Variants in GNAQ observed in about 807,000 individuals in gnomAD.
GNAQ encodes G protein subunit alpha q.
A neutral mutation model predicts 43.9 loss-of-function variants in GNAQ; 8 were observed. The ratio of observed to expected loss-of-function variants is 0.18; its 90% CI spans 0.11 to 0.33. The LOEUF (loss-of-function observed/expected upper bound fraction) is 0.33, where lower values mean the gene tolerates loss of function less well. Ranked by LOEUF, GNAQ falls within the 10% of genes least tolerant of loss-of-function variation. GNAQ has a pLI of 1.00. For synonymous variants in GNAQ, 155 were observed against 170.7 expected (o/e 0.91, Z 0.71); for missense variants, 158 against 450.8 (o/e 0.35, Z 5.88).
At chr9:77,815,280 T>C (rs1826994426) in intron 3 of GNAQ, among the ~76,000 whole-genome samples, 1 of 152,198 alleles carries the variant, frequency 6.6e-6, no homozygotes, top group South Asian at 2.1e-4. Context: ...AAATTATTAT[T>C]ACAAGATTTC....
At chr9:77,900,335 T>A (rs1057352112) in intron 2 of GNAQ, among the ~76,000 whole-genome samples, 1 of 152,222 alleles carries the variant, frequency 6.6e-6, no homozygotes, top group Non-Finnish European at 1.5e-5. Flanking sequence ...GATATTTTAC[T>A]GCAATAGAAG....
In GNAQ at chr9:77,797,753, A is replaced by C. The variant is rs1187276141; in HGVS notation, c.477-105T>G. On this transcript the variant is annotated intron_variant, in intron 3 of 6. Coordinates refer to ENST00000286548, the MANE Select transcript of GNAQ (RefSeq NM_002072.5). The stretch of plus-strand genomic sequence containing the variant: ...GAGTCCTAACAGAGAAGTAAAGAAG[A>C]GAAAGAAAAATATCAGAAAGTGGTA... 4 of 975,072 alleles carry C rather than the reference A, an allele frequency of 4.1e-6. No homozygotes were observed. In the African/African-American group the frequency reaches 4.9e-5, roughly 12 times the overall value. The allele number at this position is 975,072 out of a possible 1,614,324, so 60.4% of individuals were successfully genotyped here. A position where few individuals can be genotyped will look rare whatever the true frequency, so the allele number is the denominator to read the frequency against.
At chr9:77,762,096 G>GC (rs1381461768) in intron 5 of GNAQ, among the ~76,000 whole-genome samples, 1 of 132,150 alleles carries the variant, frequency 7.6e-6, no homozygotes, top group Non-Finnish European at 1.6e-5. Flanking sequence ...CCCCCGCCTG[G>GC]CCAGCCGCCC....
chr9:77,898,165 C>G lies in GNAQ; in HGVS notation c.321+23996G>C, dbSNP rs76431840. 8.9e-3 allele frequency among the ~76,000 whole-genome samples: 1,357 copies of G among 152,252 alleles called. 20 individuals carry two copies. The highest frequency in any genetic ancestry group is 0.038 in the Admixed American group (585 of 15,290). ...AATCCAGGCTCTTCTCCCTCTTTCT[C>G]TACAATCTGAAGTCATTATCCCACA... is the stretch of plus-strand genomic sequence containing the variant. On this transcript the variant is annotated intron_variant, in intron 2 of 6. Coordinates refer to ENST00000286548, the MANE Select transcript of GNAQ (RefSeq NM_002072.5).
intron 2 of GNAQ, among the ~76,000 whole-genome samples, chr9:77,852,484 T>G (rs1827686429): frequency 6.6e-6 from 1 of 152,180 alleles, no homozygotes. Flanking sequence ...AAGCCACACA[T>G]CTGCTAAACA....
intron 1 of GNAQ, among the ~76,000 whole-genome samples, chr9:78,005,167 C>A (rs773852396): frequency 6.6e-6 from 1 of 152,076 alleles, no homozygotes; most frequent in Non-Finnish European, 1.5e-5. Flanking sequence ...TCCTCCCACA[C>A]CCCATGTAGC....
chr9:77,763,696 T>C (rs979908646), intron 5 of GNAQ, among the ~76,000 whole-genome samples: 1 of 152,226 alleles, frequency 6.6e-6, no homozygotes, highest in Non-Finnish European at 1.5e-5. Flanking sequence ...ACGACTGAGC[T>C]GTACAAACAC....
chr9:77,746,551 A>C lies in GNAQ; in HGVS notation c.736-17884T>G. 2.6e-5 allele frequency among the ~76,000 whole-genome samples: 4 copies of C among 152,348 alleles called. No individual in the cohort carries two copies. In the Middle Eastern group the frequency reaches 0.014, roughly 522 times the overall value. On this transcript the variant is annotated intron_variant, in intron 5 of 6. Transcript: ENST00000286548. ...AAAAGAATCAGCTAGAGATATACAC[A>C]CACAAAGAAACAAAGAAAATTAAAA...
At chr9:77,870,672 A>G (rs750541897) in intron 2 of GNAQ, among the ~76,000 whole-genome samples, 41 of 152,076 alleles carry the variant, frequency 2.7e-4, no homozygotes, top group Non-Finnish European at 5.0e-4. Flanking sequence ...CACTCCAGTC[A>G]CATTCTTCTT....
chr9:77,844,340 C>A (rs769079941), intron 2 of GNAQ, among the ~76,000 whole-genome samples: 7 of 152,196 alleles, frequency 4.6e-5, no homozygotes, highest in Non-Finnish European at 1.0e-4. Flanking sequence ...ACAACCCCAT[C>A]CACTCTGGGC....
chr9:77,922,462 G>A lies in GNAQ; in HGVS notation c.137-117C>T, dbSNP rs879224246. 9 of 693,636 alleles carry A rather than the reference G, an allele frequency of 1.3e-5. 1 individual carries two copies. The South Asian group carries it at 1.3e-4, about 10-fold the overall frequency. 43.0% of individuals were successfully genotyped at this position (693,636 alleles called of 1,614,324 possible). A position where few individuals can be genotyped will look rare whatever the true frequency, so the allele number is the denominator to read the frequency against. Reference sequence around the variant, plus strand: ...CCCCAGATAGCCTGCTGAGAGGAGCGACTCTAGAATTGGAAACACTACCTA... The same window carrying A: ...CCCCAGATAGCCTGCTGAGAGGAGCAACTCTAGAATTGGAAACACTACCTA... On this transcript the variant is annotated intron_variant, in intron 1 of 6. Coordinates refer to ENST00000286548, the MANE Select transcript of GNAQ (RefSeq NM_002072.5).
At chr9:77,868,698 G>A (rs1228418571) in intron 2 of GNAQ, among the ~76,000 whole-genome samples, 1 of 152,218 alleles carries the variant, frequency 6.6e-6, no homozygotes, top group African/African-American at 2.4e-5. Flanking sequence ...AGGAGGCTGA[G>A]GCAGGAGGAT....
chr9:77,856,816 T>A (rs925387316), intron 2 of GNAQ, among the ~76,000 whole-genome samples: 2 of 152,234 alleles, frequency 1.3e-5, no homozygotes, highest in African/African-American at 2.4e-5. Flanking sequence ...TACTTTTCAT[T>A]GTTTAACCTT....
chr9:77,745,526 T>A (rs1343727107), intron 5 of GNAQ, among the ~76,000 whole-genome samples: 1 of 151,154 alleles, frequency 6.6e-6, no homozygotes, highest in African/African-American at 2.4e-5. Flanking sequence ...GATACTGACT[T>A]AAGAAAGAAA....
chr9:77,893,226 T>C (rs1828432336), intron 2 of GNAQ, among the ~76,000 whole-genome samples: 1 of 152,196 alleles, frequency 6.6e-6, no homozygotes, highest in South Asian at 2.1e-4. Context: ...AAGACCTTGC[T>C]GATAAAGCAG....
At chr9:77,935,290 C>CA (rs1829214561) in intron 1 of GNAQ, among the ~76,000 whole-genome samples, 1 of 152,006 alleles carries the variant, frequency 6.6e-6, no homozygotes, top group South Asian at 2.1e-4. Flanking sequence ...GATCAAAAAC[C>CA]ATAGTACCTG....
chr9:77,749,266 T>A (rs1002385480), intron 5 of GNAQ, among the ~76,000 whole-genome samples: 3 of 152,132 alleles, frequency 2.0e-5, no homozygotes, highest in Non-Finnish European at 4.4e-5. Flanking sequence ...GGAATGAGGC[T>A]CCACTGTACA....
chr9:77,716,187 C>G lies in GNAQ; in HGVS notation c.*5136G>C, dbSNP rs764833431. On this transcript the variant is annotated 3_prime_UTR_variant, in exon 7 of 7. Transcript: ENST00000286548. Reference sequence around the variant, plus strand: ...AAGGAAGGAAAGATGTATTTCAGTACTCCTACTAATACAAAACATTCTGAG... The same window carrying G: ...AAGGAAGGAAAGATGTATTTCAGTAGTCCTACTAATACAAAACATTCTGAG... 5.0e-6 allele frequency: 1 copy of G among 200,832 alleles called. No individual in the cohort carries two copies. Among genetic ancestry groups the G allele is most frequent in the Non-Finnish European group, 1.0e-5 (1 of 97,780 alleles). The allele number at this position is 200,832 out of a possible 1,614,324, so 12.4% of individuals were successfully genotyped here. A position where few individuals can be genotyped will look rare whatever the true frequency, so the allele number is the denominator to read the frequency against.
chr9:78,015,708 G>C (rs1334315226), intron 1 of GNAQ, among the ~76,000 whole-genome samples: 1 of 150,314 alleles, frequency 6.7e-6, no homozygotes, highest in Admixed American at 6.6e-5. Flanking sequence ...AATAACTAAG[G>C]TTGAAAAAAA....
Sources: gnomAD v4.1 joint callset for allele counts (sites outside exome capture counted in the v4.1 genomes callset) on GRCh38, gnomAD v4.1.1 for gene constraint, MANE v1.5 for transcripts, NCBI Gene and HGNC (gene_info 2026-07-23, HGNC 2026-07-21) for gene names.